FNDC3A: variants seen among roughly 807,000 people sequenced by gnomAD.
FNDC3A encodes the protein fibronectin type-III domain-containing protein 3A.
A neutral mutation model predicts 148.9 loss-of-function variants in FNDC3A; 32 were observed. The observed-to-expected ratio is 0.21, with a 90% CI of 0.16 to 0.29. FNDC3A has a LOEUF of 0.29. Among genes scored for constraint, FNDC3A ranks in the 10% least tolerant of loss-of-function variants. The pLI is 1.00. For missense variants in FNDC3A, 1,191 were observed against 1,452.8 expected, an observed-to-expected ratio of 0.82 and a Z score of 2.93; for synonymous variants, 472 against 473.6, an observed-to-expected ratio of 1.00 and a Z score of 0.04.
intron 2 of FNDC3A, among the ~76,000 whole-genome samples, chr13:49,072,416 T>TA (rs1180303560): frequency 6.6e-6 from 1 of 152,170 alleles, no homozygotes; most frequent in Non-Finnish European, 1.5e-5. Context: ...TCTAAGTGCA[T>TA]AGATTTATTT....
intron 2 of FNDC3A, among the ~76,000 whole-genome samples, chr13:49,013,892 C>T (rs2137619976): frequency 6.6e-6 from 1 of 151,774 alleles, no homozygotes; most frequent in South Asian, 2.1e-4. Flanking sequence ...ATGATGATTT[C>T]CAATTTCATC....
intron 2 of FNDC3A, among the ~76,000 whole-genome samples, chr13:49,011,142 T>C (rs1023512860): frequency 2.0e-5 from 3 of 152,196 alleles, no homozygotes; most frequent in Admixed American, 2.0e-4. Context: ...ACTGTTAATA[T>C]ATATTCTGGC....
chr13:49,136,192 AG>A, intron 5 of FNDC3A, 139 bp from the exon 6 acceptor site: 1 of 638,568 alleles, frequency 1.6e-6, no homozygotes, highest in Non-Finnish European at 2.6e-6. Flanking sequence ...GGAGACACAA[AG>A]GTTGCTTTGT....
At chr13:49,012,819 G>GTGTGTGTGTGTGTGTGTGTC (rs1555277969) in intron 2 of FNDC3A, among the ~76,000 whole-genome samples, 8 of 151,316 alleles carry the variant, frequency 5.3e-5, no homozygotes, top group African/African-American at 1.7e-4. Context: ...GTGTGTGTGT[G>GTGTGTGTGTGTGTGTGTGTC]TGTGTGTGTG....
chr13:49,046,723 A>G (rs115718481), intron 2 of FNDC3A: 1,887 of 152,560 alleles, frequency 0.012, 27 homozygotes, highest in African/African-American at 0.034. Context: ...ATTCACACCT[A>G]ATGGTGTAGT....
intron 14 of FNDC3A, among the ~76,000 whole-genome samples, chr13:49,179,241 A>G (rs892615215): frequency 6.6e-6 from 1 of 151,660 alleles, no homozygotes; most frequent in African/African-American, 2.4e-5. Flanking sequence ...CATACTAAGT[A>G]TATGCTTTGT....
At chr13:49,043,017 A>G (rs558033763) in intron 2 of FNDC3A, among the ~76,000 whole-genome samples, 50 of 152,208 alleles carry the variant, frequency 3.3e-4, no homozygotes, top group African/African-American at 1.2e-3. Flanking sequence ...ATGCAGTGGT[A>G]CAATCAAGGC....
At chr13:49,169,103 A>G (rs1368027284) in intron 10 of FNDC3A, among the ~76,000 whole-genome samples, 1 of 152,184 alleles carries the variant, frequency 6.6e-6, no homozygotes, top group Non-Finnish European at 1.5e-5. Flanking sequence ...TATAATAACT[A>G]TACTCATAAA....
intron 3 of FNDC3A, among the ~76,000 whole-genome samples, chr13:49,080,154 T>C (rs1231101128): frequency 1.3e-5 from 2 of 152,240 alleles, no homozygotes; most frequent in African/African-American, 4.8e-5. Flanking sequence ...ATTAAAAATA[T>C]CTACATTGTT....
chr13:49,131,017 C>T, intron 4 of FNDC3A, 120 bp from the exon 5 acceptor site: 1 of 728,536 alleles, frequency 1.4e-6, no homozygotes, highest in Non-Finnish European at 2.4e-6. Context: ...CCACCTGCCT[C>T]AGCCTCCCAA....
intron 7 of FNDC3A, among the ~76,000 whole-genome samples, chr13:49,144,139 A>T (rs1389204445): frequency 6.6e-6 from 1 of 151,986 alleles, no homozygotes; most frequent in Non-Finnish European, 1.5e-5. Context: ...TTATCATCCC[A>T]TAAAATCAAG....
chr13:49,003,598 C>G (rs746144083), intron 1 of FNDC3A, among the ~76,000 whole-genome samples: 4 of 151,844 alleles, frequency 2.6e-5, no homozygotes, highest in Admixed American at 6.6e-5. Context: ...TATTTTATAT[C>G]CTGTTTAAGA....
chr13:49,120,496 A>G (rs1881262733), intron 4 of FNDC3A, among the ~76,000 whole-genome samples: 1 of 152,216 alleles, frequency 6.6e-6, no homozygotes, highest in Non-Finnish European at 1.5e-5. Context: ...AACAGTATTA[A>G]TCTTAAATGT....
At chr13:49,143,401 T>C (rs899553659) in intron 7 of FNDC3A, among the ~76,000 whole-genome samples, 2 of 152,102 alleles carry the variant, frequency 1.3e-5, no homozygotes, top group Non-Finnish European at 2.9e-5. Flanking sequence ...GAAATTAGCA[T>C]TTTAAAATTT....
At chr13:49,008,908 A>T (rs949670914) in intron 2 of FNDC3A, among the ~76,000 whole-genome samples, 3 of 145,512 alleles carry the variant, frequency 2.1e-5, no homozygotes, top group Non-Finnish European at 4.5e-5. Flanking sequence ...AAGTTCTCAC[A>T]TACCACCTCT....
chr13:49,193,373 G>T (rs1052615421), intron 19 of FNDC3A, among the ~76,000 whole-genome samples: 1 of 152,202 alleles, frequency 6.6e-6, no homozygotes. Context: ...CGATCCTCCT[G>T]CCTCAGCCTC....
intron 8 of FNDC3A, among the ~76,000 whole-genome samples, chr13:49,153,279 G>A (rs1883436942): frequency 1.3e-5 from 2 of 152,142 alleles, no homozygotes; most frequent in South Asian, 2.1e-4. Flanking sequence ...GTGATGATGA[G>A]CATTTTTTCA....
In FNDC3A at chr13:49,198,040, C is replaced by T. The variant is rs1397813279; in HGVS notation, c.2549C>T (p.Pro850Leu). 1.2e-6 allele frequency: 2 copies of T among 1,614,056 alleles called. No homozygotes were observed. The highest frequency in any genetic ancestry group is 2.2e-5 in the East Asian group (1 of 44,876). Residue 850 changes from proline (P) to leucine (L), a missense_variant, in exon 22 of 26, where the codon CCA (proline) becomes CTA (leucine). Transcript: ENST00000492622. ...GAAGTAGTAGCCTGTGTGACTCCAC[C>T]ATCAGTTCCTGGCATTGTGACCTGT... The part of the protein sequence containing the change: ...FSEVVACVTP[P>L]SVPGIVTCLQ...
At chr13:49,204,726 G>T (rs1886570115) in intron 25 of FNDC3A, among the ~76,000 whole-genome samples, 1 of 151,940 alleles carries the variant, frequency 6.6e-6, no homozygotes, top group South Asian at 2.1e-4. Context: ...TTTCTTGGGT[G>T]TATAAACCTT....
Sources: gnomAD v4.1 joint callset for allele counts (sites outside exome capture counted in the v4.1 genomes callset) on GRCh38, gnomAD v4.1.1 for gene constraint, MANE v1.5 for transcripts, NCBI Gene and HGNC (gene_info 2026-07-23, HGNC 2026-07-21) for gene names.